Variants in PPFIBP2 observed in about 807,000 individuals in gnomAD.
The protein encoded by PPFIBP2 is liprin-beta-2.
In PPFIBP2, 118 loss-of-function variants were observed where a neutral mutation model predicts 118.3. That is an observed-to-expected ratio of 1.00 (90% CI 0.86 to 1.16). The LOEUF is 1.16. PPFIBP2 is among the 50% of genes most tolerant of loss of function. PPFIBP2 has a pLI of 0.00. For synonymous variants in PPFIBP2, 414 were observed against 397.4 expected (o/e 1.04, Z -0.50); for missense variants, 1,195 against 1,073.1 (o/e 1.11, Z -1.59).
chr11:7,607,880 A>G (rs1005958607), intron 5 of PPFIBP2, among the ~76,000 whole-genome samples: 5 of 152,232 alleles, frequency 3.3e-5, no homozygotes, highest in Non-Finnish European at 7.3e-5. Context: ...AATTTGAAAT[A>G]TCTATTTTGC....
At chr11:7,594,070 G>T (rs530371368) in intron 4 of PPFIBP2, among the ~76,000 whole-genome samples, 1 of 152,286 alleles carries the variant, frequency 6.6e-6, no homozygotes, top group Non-Finnish European at 1.5e-5. Context: ...AGCGGGGCCT[G>T]GAACCCACCC....
rs747742078 is a variant in PPFIBP2 at position 7,625,865 on chromosome 11, T to C, written c.800T>C (p.Leu267Pro). ...LHSQLSRTAALHSESHTERDQ... is the reference protein window; with the variant it reads ...LHSQLSRTAAPHSESHTERDQ... ...AGCCAGCTCTCCCGGACAGCAGCTC[T>C]CCACAGTGAGAGTCACACAGAGAGA... Residue 267 changes from leucine to proline, a missense_variant, in exon 8 of 24, where the codon CTC becomes CCC. Physicochemically the swap from Leu to Pro is moderately conservative, Grantham distance 98. Coordinates refer to ENST00000299492, the MANE Select transcript of PPFIBP2 (RefSeq NM_003621.5). The C allele has an allele frequency of 1.9e-6, 3 of 1,614,074 alleles. No homozygotes were observed. In the African/African-American group the frequency reaches 4.0e-5, roughly 22 times the overall value.
At chr11:7,651,362 G>C (rs984589138) in intron 22 of PPFIBP2, 1 of 386,808 alleles carries the variant, frequency 2.6e-6, no homozygotes, top group Non-Finnish European at 4.7e-6. Flanking sequence ...AAATGAGGAA[G>C]TGTGGTGGCT....
At chr11:7,540,382 C>T (rs542378034) in intron 1 of PPFIBP2, among the ~76,000 whole-genome samples, 1 of 152,086 alleles carries the variant, frequency 6.6e-6, no homozygotes, top group Non-Finnish European at 1.5e-5. Context: ...TTTACCGGAT[C>T]TGGTGCCCAG....
At chr11:7,578,653 A>G (rs1856801484) in intron 3 of PPFIBP2, among the ~76,000 whole-genome samples, 1 of 152,230 alleles carries the variant, frequency 6.6e-6, no homozygotes, top group South Asian at 2.1e-4. Flanking sequence ...ACCTCAGATT[A>G]CAAACAATAA....
intron 6 of PPFIBP2, among the ~76,000 whole-genome samples, chr11:7,613,137 GT>G (rs1848263434): frequency 6.6e-6 from 1 of 152,048 alleles, no homozygotes; most frequent in South Asian, 2.1e-4. Flanking sequence ...CTGAAATACA[GT>G]TTCTCAGCTT....
At chr11:7,598,311 C>T (rs1860777772) in intron 5 of PPFIBP2, 1 of 290,032 alleles carries the variant, frequency 3.4e-6, no homozygotes, top group Non-Finnish European at 6.8e-6. Context: ...AAAATTTTTG[C>T]TGTATTGTCA....
chr11:7,648,431 G>C lies in PPFIBP2; in HGVS notation c.1691G>C (p.Cys564Ser). The C allele has an allele frequency of 1.2e-6, 2 of 1,614,158 alleles. No individual in the cohort carries two copies. Among genetic ancestry groups the C allele is most frequent in the Non-Finnish European group, 1.7e-6 (2 of 1,180,050 alleles). Residue 564 changes from cysteine (C) to serine (S), a missense_variant, in exon 18 of 24, where the codon TGT (cysteine) becomes TCT (serine). Transcript: ENST00000299492. ...GCCCAGTGGAGCACAGAGCGTGTGTGTGCATGGCTGGAGGACTTTGGCCTG... is the reference window on the plus strand; with the variant it reads ...GCCCAGTGGAGCACAGAGCGTGTGTCTGCATGGCTGGAGGACTTTGGCCTG... ...PFAQWSTERV[C>S]AWLEDFGLAQ...
intron 1 of PPFIBP2, among the ~76,000 whole-genome samples, chr11:7,520,894 C>T (rs1210711740): frequency 2.0e-5 from 3 of 152,172 alleles, no homozygotes; most frequent in African/African-American, 7.2e-5. Context: ...TGGGCTTTAT[C>T]CTTTATACAC....
intron 15 of PPFIBP2, chr11:7,641,198 A>G: frequency 1.1e-6 from 1 of 874,266 alleles, no homozygotes; most frequent in Non-Finnish European, 1.7e-6. Flanking sequence ...GAGGAAAAAG[A>G]AGCTGCTTGT....
chr11:7,516,236 G>A (rs528095010), intron 1 of PPFIBP2, among the ~76,000 whole-genome samples: 16 of 152,332 alleles, frequency 1.1e-4, no homozygotes, highest in African/African-American at 3.4e-4. Context: ...TGGGGGCGGC[G>A]AGGCCGGATA....
At chr11:7,665,897 G>A in the PPFIBP2 span, 674 of 1,536,144 alleles carry the variant, frequency 4.4e-4, 10 homozygotes, top group South Asian at 6.7e-3. Flanking sequence ...GTGGAACTGC[G>A]CAGAATTGCT....
chr11:7,595,270 A>G (rs560837728), intron 4 of PPFIBP2, among the ~76,000 whole-genome samples: 1 of 152,346 alleles, frequency 6.6e-6, no homozygotes, highest in East Asian at 1.9e-4. Context: ...AGCACATTGT[A>G]GCACAGATGT....
intron 2 of PPFIBP2, among the ~76,000 whole-genome samples, chr11:7,554,088 A>G (rs1246511484): frequency 2.0e-5 from 3 of 152,172 alleles, no homozygotes; most frequent in South Asian, 2.1e-4. Context: ...GAACATTTAA[A>G]TCTTCCTCTC....
At position 7,610,314 on chromosome 11, in the gene PPFIBP2, T is replaced by C. The variant is rs1276538790; in HGVS notation, c.510T>C (p.Leu170=). The change falls in exon 6 of 24, where the codon CTT becomes CTC. Residue 170 remains leucine (L), a synonymous_variant. Coordinates refer to ENST00000299492, the MANE Select transcript of PPFIBP2 (RefSeq NM_003621.5). ...AGGAGCTGCTAAGCCGCACATCTCT[T>C]GAGACCCAGAAGCTCGATCTGATGA... is the stretch of plus-strand genomic sequence containing the variant. The part of the protein sequence containing the change: ...LQQELLSRTS[L]ETQKLDLMTE... 2 of 1,614,170 alleles carry C rather than the reference T, an allele frequency of 1.2e-6. No individual in the cohort carries two copies. The highest frequency in any genetic ancestry group is 1.7e-6 in the Non-Finnish European group (2 of 1,179,984).
intron 21 of PPFIBP2, among the ~76,000 whole-genome samples, chr11:7,650,036 A>C (rs1853742228): frequency 6.6e-6 from 1 of 152,250 alleles, no homozygotes; most frequent in Non-Finnish European, 1.5e-5. Flanking sequence ...TAGACATTTC[A>C]GAATAGGTAT....
chr11:7,601,457 A>G (rs1296834094), intron 5 of PPFIBP2, among the ~76,000 whole-genome samples: 1 of 152,182 alleles, frequency 6.6e-6, no homozygotes, highest in Non-Finnish European at 1.5e-5. Context: ...AGGGAACATG[A>G]TAGCTACAAG....
intron 19 of PPFIBP2, 85 bp from the exon 20 acceptor site, chr11:7,649,062 A>G: frequency 6.9e-7 from 1 of 1,440,196 alleles, no homozygotes; most frequent in Non-Finnish European, 9.6e-7. Context: ...ACGAACCTCA[A>G]AATATAATTT....
At chr11:7,564,304 T>C (rs10839812) in intron 2 of PPFIBP2, among the ~76,000 whole-genome samples, 84,169 of 151,962 alleles carry the variant, frequency 0.55, 25,676 homozygotes, top group African/African-American at 0.83. Flanking sequence ...GCGGGCATTT[T>C]GTCAGATTCC....
Sources: allele counts gnomAD v4.1 joint callset (sites outside exome capture counted in the v4.1 genomes callset), GRCh38; gene constraint gnomAD v4.1.1; transcripts MANE v1.5; gene names NCBI Gene and HGNC (gene_info 2026-07-23, HGNC 2026-07-21).